GAA: variants seen among roughly 807,000 people sequenced by gnomAD.
The protein encoded by GAA is alpha glucosidase.
In GAA, 88 loss-of-function variants were observed where a neutral mutation model predicts 103.9. The observed-to-expected ratio is 0.85, with a 90% CI of 0.71 to 1.01. The LOEUF (loss-of-function observed/expected upper bound fraction) is 1.01. GAA is among the 50% of genes least tolerant of loss of function. The pLI is 0.00. For synonymous variants in GAA, 572 were observed against 563.1 expected (o/e 1.02, Z -0.22); for missense variants, 1,350 against 1,305.3 (o/e 1.03, Z -0.53).
At chr17:80,117,278 C>T (rs372814268) in intron 16 of GAA, among the ~76,000 whole-genome samples, 169 bp downstream of exon 16, 92 of 152,308 alleles carry the variant, frequency 6.0e-4, no homozygotes, top group African/African-American at 2.0e-3. Context: ...TCAGCCTCTC[C>T]GCTCCTCACA....
chr17:80,116,992 G>A lies in GAA; in HGVS notation c.2214G>A (p.Trp738Ter), dbSNP rs1057516328. The A allele has an allele frequency of 1.9e-6, 3 of 1,613,790 alleles. No individual in the cohort carries two copies. Among genetic ancestry groups the A allele is most frequent in the East Asian group, 4.5e-5 (2 of 44,880 alleles). The part of the protein sequence containing the change: ...FLEFPKDSST[W>*]TVDHQLLWGE... The stretch of plus-strand genomic sequence containing the variant: ...GGTTCCCCAAGGACTCTAGCACCTG[G>A]ACTGTGGACCACCAGCTCCTGTGGG... The change falls in exon 16 of 20, where the codon TGG becomes TGA. Residue 738 changes from tryptophan to a stop codon, truncating the protein, a stop_gained. Coordinates refer to ENST00000302262, the MANE Select transcript of GAA (RefSeq NM_000152.5). LOFTEE classifies it high-confidence loss of function.
In GAA at chr17:80,119,490, C is replaced by G; in HGVS notation, c.*159C>G. 2 of 698,878 alleles carry G rather than the reference C, an allele frequency of 2.9e-6. No individual in the cohort carries two copies. The highest frequency in any genetic ancestry group is 3.1e-5 in the South Asian group (2 of 65,474). 43.3% of individuals were successfully genotyped at this position (698,878 alleles called of 1,614,324 possible). On this transcript the variant is annotated 3_prime_UTR_variant, in exon 20 of 20. Coordinates refer to ENST00000302262, the MANE Select transcript of GAA (RefSeq NM_000152.5). ...CCGCCGCATCGCTTGTTTCCACCTC[C>G]TGGGCCGGGGCTCTGGCCCCCAACG... is the stretch of plus-strand genomic sequence containing the variant.
intron 12 of GAA, 87 bp from the exon 13 acceptor site, chr17:80,112,490 TC>T (rs1381360275): frequency 6.5e-7 from 1 of 1,539,726 alleles, no homozygotes; most frequent in African/African-American, 1.4e-5. Flanking sequence ...CCCAGAAAGC[TC>T]CTTGCTCCCA....
chr17:80,116,780 A>T (rs1275825988), intron 15 of GAA, 188 bp from the exon 16 acceptor site: 1 of 653,302 alleles, frequency 1.5e-6, no homozygotes, highest in Non-Finnish European at 2.7e-6. Context: ...GGCTTCTCCC[A>T]GCTCCGGCAT....
At chr17:80,103,787 T>C (rs1598567589) in intron 1 of GAA, among the ~76,000 whole-genome samples, 1 of 152,228 alleles carries the variant, frequency 6.6e-6, no homozygotes, top group South Asian at 2.1e-4. Context: ...CCTTTCTCTC[T>C]TGTGGCTTTG....
In GAA at chr17:80,110,745, GC is replaced by G; in HGVS notation, c.1458del (p.Phe487SerfsTer33). The G allele has an allele frequency of 1.2e-6, 2 of 1,614,056 alleles. No homozygotes were observed. Among genetic ancestry groups the G allele is most frequent in the African/African-American group, 2.7e-5 (2 of 75,058 alleles). ...TGTCCAGGTATGGCCCGGGTCCACT[GC>G]CTTCCCCGACTTCACCAACCCCACA... ...LIGKVWPGST[A>X]FPDFTNPTAL... On this transcript the variant is annotated frameshift_variant, in exon 10 of 20. Coordinates refer to ENST00000302262, the MANE Select transcript of GAA (RefSeq NM_000152.5). LOFTEE classifies it high-confidence loss of function.
chr17:80,113,202 C>A lies in GAA; in HGVS notation c.2041-16C>A. On this transcript the variant is annotated splice_polypyrimidine_tract_variant and intron_variant, in intron 14 of 19. Transcript: ENST00000302262. ...CCAGCACCCAAGTGCTTCCTTTGCC[C>A]CCGCCTGCCCTGCAGCCCCAGGAGC... 6.3e-7 allele frequency: 1 copy of A among 1,585,146 alleles called. No individual in the cohort carries two copies. The highest frequency in any genetic ancestry group is 2.3e-5 in the East Asian group (1 of 43,622).
At chr17:80,111,048 CT>C (rs750546948) in intron 11 of GAA, 23 bp downstream of exon 11, 2 of 1,607,704 alleles carry the variant, frequency 1.2e-6, no homozygotes, top group East Asian at 4.5e-5. Flanking sequence ...CCCACCTACC[CT>C]GGGGACTTAA....
At position 80,105,131 on chromosome 17, in the gene GAA, CGGTG is replaced by C. The variant is rs1181354869; in HGVS notation, c.546+2_546+5del. ...GAGACTGAGAACCGCCTCCACTTCA[CGGTG>C]GGCAGGGCAGGGGCGGGGGCGGCGG... On this transcript the variant is annotated splice_donor_variant and splice_donor_region_variant and coding_sequence_variant and intron_variant, in exon 2 of 20. Coordinates refer to ENST00000302262, the MANE Select transcript of GAA (RefSeq NM_000152.5). LOFTEE classifies it high-confidence loss of function. 7.5e-6 allele frequency: 12 copies of C among 1,604,036 alleles called. No homozygotes were observed. Among genetic ancestry groups the C allele is most frequent in the African/African-American group, 1.3e-5 (1 of 74,868 alleles).
At position 80,119,391 on chromosome 17, in the gene GAA, G is replaced by A; in HGVS notation, c.*60G>A. 1.4e-6 allele frequency: 2 copies of A among 1,439,358 alleles called. No individual in the cohort carries two copies. The highest frequency in any genetic ancestry group is 2.0e-6 in the Non-Finnish European group (2 of 1,021,438). 89.2% of individuals were successfully genotyped at this position (1,439,358 alleles called of 1,614,324 possible). A position where few individuals can be genotyped will look rare whatever the true frequency, so the allele number is the denominator to read the frequency against. On this transcript the variant is annotated 3_prime_UTR_variant, in exon 20 of 20. Coordinates refer to ENST00000302262, the MANE Select transcript of GAA (RefSeq NM_000152.5). ...CTGGTTCCCCAGGGAAGCAGAGCCT[G>A]TGTGCGGGCAGCAGCTGTGTGCGGG... is the stretch of plus-strand genomic sequence containing the variant.
Position 80,118,773 on chromosome 17 carries a change from G to A in GAA, c.2767G>A (p.Val923Ile). The A allele has an allele frequency of 6.2e-7, 1 of 1,613,514 alleles. No homozygotes were observed. Among genetic ancestry groups the A allele is most frequent in the Middle Eastern group, 1.6e-4 (1 of 6,062 alleles). Reference sequence around the variant, plus strand: ...GCAGGTCCTCTCCAACGGTGTCCCTGTCTCCAACTTCACCTACAGCCCCGA... The same window carrying A: ...GCAGGTCCTCTCCAACGGTGTCCCTATCTCCAACTTCACCTACAGCCCCGA... ...PQQVLSNGVP[V>I]SNFTYSPDTK... Residue 923 changes from valine (V) to isoleucine (I), a missense_variant, in exon 19 of 20, where the codon GTC becomes ATC. Physicochemically the swap from Val to Ile is conservative, Grantham distance 29. Transcript: ENST00000302262.
At chr17:80,112,737 TCAGCAGA>T (rs774787700) in intron 13 of GAA, 26 bp downstream of exon 13, 78 of 1,597,142 alleles carry the variant, frequency 4.9e-5, no homozygotes, top group Non-Finnish European at 6.1e-5. Context: ...GAGGGGCTGC[TCAGCAGA>T]GTAGAGCCGG....
intron 3 of GAA, 63 bp downstream of exon 3, chr17:80,105,957 G>T: frequency 6.5e-7 from 1 of 1,536,916 alleles, no homozygotes; most frequent in Non-Finnish European, 8.7e-7. Context: ...ACACGGCAGG[G>T]AGGGCCACAC....
Position 80,117,649 on chromosome 17 carries a change from G to A in GAA, c.2381G>A (p.Arg794His), listed in dbSNP as rs200505871. 3.3e-5 allele frequency: 53 copies of A among 1,612,820 alleles called. No homozygotes were observed. In the East Asian group the frequency reaches 7.6e-4, roughly 23 times the overall value. ...CTCCCACCCCCACCTGCAGCTCCCC[G>A]TGAGCCAGCCATCCACAGCGAGGGG... is the stretch of plus-strand genomic sequence containing the variant. ...GSLPPPPAAP[R>H]EPAIHSEGQW... The change falls in exon 17 of 20, where the codon CGT becomes CAT. Residue 794 changes from arginine (R) to histidine (H), a missense_variant. Transcript: ENST00000302262.
intron 9 of GAA, among the ~76,000 whole-genome samples, 176 bp downstream of exon 9, chr17:80,110,231 G>C (rs531607963): frequency 2.0e-5 from 3 of 152,252 alleles, no homozygotes; most frequent in Non-Finnish European, 2.9e-5. Context: ...GAATGGCCCC[G>C]TGAGTTCTTC....
Position 80,107,993 on chromosome 17 carries a change from TG to T in GAA, c.955+100del, listed in dbSNP as rs1042968632. 1.2e-5 allele frequency: 15 copies of T among 1,220,338 alleles called. No homozygotes were observed. The African/African-American group carries it at 2.0e-4, about 16-fold the overall frequency. The allele number at this position is 1,220,338 out of a possible 1,614,324, so 75.6% of individuals were successfully genotyped here. A position where few individuals can be genotyped will look rare whatever the true frequency, so the allele number is the denominator to read the frequency against. On this transcript the variant is annotated intron_variant, in intron 5 of 19. Transcript: ENST00000302262. ...GCATGAGGGGCCCTGGGCACGGTGCTGGGCCTTGTGTTTTCTGGGAAATGAG... is the reference window on the plus strand; with the variant it reads ...GCATGAGGGGCCCTGGGCACGGTGCTGGCCTTGTGTTTTCTGGGAAATGAG...
rs764174168 is a variant in GAA at position 80,113,220 on chromosome 17, C to A, written c.2043C>A (p.Pro681=). 3.8e-6 allele frequency: 6 copies of A among 1,598,506 alleles called. No homozygotes were observed. In the Admixed American group the frequency reaches 1.0e-4, roughly 27 times the overall value. ...CTTTGCCCCCGCCTGCCCTGCAGCC[C>A]CAGGAGCCGTACAGCTTCAGCGAGC... The part of the protein sequence containing the change: ...MRNHNSLLSL[P]QEPYSFSEPA... The change falls in exon 15 of 20, where the codon CCC becomes CCA. Residue 681 remains proline, a splice_region_variant and synonymous_variant. Coordinates refer to ENST00000302262, the MANE Select transcript of GAA (RefSeq NM_000152.5).
chr17:80,119,072 G>T (rs527952391), intron 19 of GAA, among the ~76,000 whole-genome samples, 200 bp from the exon 20 acceptor site: 1 of 152,184 alleles, frequency 6.6e-6, no homozygotes, highest in Admixed American at 6.5e-5. Context: ...AAGGTGACCC[G>T]CACTGAGAGC....
intron 11 of GAA, 46 bp downstream of exon 11, chr17:80,111,071 A>G (rs1346783138): frequency 1.3e-6 from 2 of 1,570,084 alleles, no homozygotes; most frequent in Non-Finnish European, 8.7e-7. Context: ...CAAATCAGAG[A>G]CTCCCTTGTC....
Sources: gnomAD v4.1 joint callset for allele counts (sites outside exome capture counted in the v4.1 genomes callset) on GRCh38, gnomAD v4.1.1 for gene constraint, MANE v1.5 for transcripts, NCBI Gene and HGNC (gene_info 2026-07-23, HGNC 2026-07-21) for gene names.